TDRD3: variants seen among roughly 807,000 people sequenced by gnomAD.
TDRD3 encodes the protein tudor domain-containing protein 3.
Under a neutral mutation model 86.7 loss-of-function variants are expected in TDRD3, and 45 were observed. The ratio of observed to expected loss-of-function variants is 0.52; its 90% CI spans 0.41 to 0.67. The LOEUF (loss-of-function observed/expected upper bound fraction) is 0.67. Among genes scored for constraint, TDRD3 ranks in the 30% least tolerant of loss-of-function variants. TDRD3 has a pLI of 0.00. For missense variants in TDRD3, 814 were observed against 889.0 expected (o/e 0.92, Z 1.07); for synonymous variants, 298 against 301.7 (o/e 0.99, Z 0.13).
At chr13:60,550,782 T>G (rs1257302176) in intron 12 of TDRD3, among the ~76,000 whole-genome samples, 2 of 152,156 alleles carry the variant, frequency 1.3e-5, no homozygotes, top group Non-Finnish European at 2.9e-5. Flanking sequence ...GAAAAACTGT[T>G]TATGTTGTTA....
upstream of TDRD3, among the ~76,000 whole-genome samples, chr13:60,396,198 G>C (rs1008524624): frequency 6.6e-6 from 1 of 152,204 alleles, no homozygotes; most frequent in African/African-American, 2.4e-5. Context: ...CGGAGATAGG[G>C]ATTAAGTTCC....
chr13:60,510,630 G>T lies in TDRD3; in HGVS notation c.1016G>T (p.Gly339Val). ...ATATTTCTTGCTTTTGCATCTAAAG[G>T]TAGAGGAAAAGGCAGGGGGCGAATA... ...QKPVMGPPLR[G>V]RGKGRGRIRS... Residue 339 changes from glycine (G) to valine (V), a missense_variant and splice_region_variant, in exon 10 of 14, where the codon GGT becomes GTT. Gly to Val is a moderately radical substitution (Grantham distance 109). Coordinates refer to ENST00000377881, the MANE Select transcript of TDRD3 (RefSeq NM_001146070.2). 6.3e-7 allele frequency: 1 copy of T among 1,594,354 alleles called. No individual in the cohort carries two copies. The highest frequency in any genetic ancestry group is 8.5e-7 in the Non-Finnish European group (1 of 1,171,466).
At chr13:60,426,895 G>T (rs1388674621) in intron 1 of TDRD3, among the ~76,000 whole-genome samples, 2 of 152,152 alleles carry the variant, frequency 1.3e-5, no homozygotes, top group Non-Finnish European at 2.9e-5. Context: ...CCGACTACGC[G>T]CATAGGCTAT....
At chr13:60,516,899 A>G (rs1015315961) in intron 10 of TDRD3, among the ~76,000 whole-genome samples, 7 of 152,168 alleles carry the variant, frequency 4.6e-5, no homozygotes, top group Admixed American at 3.3e-4. Flanking sequence ...CAAACCACAA[A>G]TTTGATCACA....
At chr13:60,515,618 CGTT>C (rs1566263124) in intron 10 of TDRD3, among the ~76,000 whole-genome samples, 2 of 152,144 alleles carry the variant, frequency 1.3e-5, no homozygotes, top group African/African-American at 4.8e-5. Flanking sequence ...TAGCAGGTAT[CGTT>C]GTGTTACTTT....
intron 12 of TDRD3, among the ~76,000 whole-genome samples, 191 bp from the exon 13 acceptor site, chr13:60,567,334 T>C (rs145354735): frequency 0.013 from 1,910 of 144,206 alleles, 42 homozygotes; most frequent in African/African-American, 0.046. Context: ...GTTTTAACAG[T>C]ATCCCTGCCT....
rs374368679 is a variant in TDRD3 at position 60,459,528 on chromosome 13, ACTT to A, written c.193-847_193-845del. ...TGAAAATATGTCAATTACAACTCAT[ACTT>A]CTTCAACTTTTTAGTTTTGGTGGTA... On this transcript the variant is annotated intron_variant, in intron 3 of 13. Transcript: ENST00000377881. Among the ~76,000 whole-genome samples the A allele has an allele frequency of 5.3e-5, 8 of 152,346 alleles. No individual in the cohort carries two copies. In the East Asian group the frequency reaches 1.5e-3, roughly 29 times the overall value.
intron 1 of TDRD3, among the ~76,000 whole-genome samples, chr13:60,399,608 C>CT (rs1954038806): frequency 6.6e-6 from 1 of 152,192 alleles, no homozygotes. Context: ...GACTGAAGGG[C>CT]TTTCACCAAC....
chr13:60,529,497 T>C (rs932907471), intron 11 of TDRD3, among the ~76,000 whole-genome samples: 2 of 152,156 alleles, frequency 1.3e-5, no homozygotes, highest in African/African-American at 4.8e-5. Flanking sequence ...GAAGTTGAGC[T>C]TTATTTTACT....
Position 60,513,320 on chromosome 13 carries a change from T to C in TDRD3, c.1141+2565T>C, listed in dbSNP as rs140601300. 3.1e-3 allele frequency among the ~76,000 whole-genome samples: 470 copies of C among 152,336 alleles called. 2 individuals carry two copies. The highest frequency in any genetic ancestry group is 0.017 in the Middle Eastern group (5 of 294). ...ATTTTTTCCTCCTAGGCCTCCTGGC[T>C]TGTGATGGGAGGGGTTCCATGAAGA... On this transcript the variant is annotated intron_variant, in intron 10 of 13. Transcript: ENST00000377881.
intron 11 of TDRD3, among the ~76,000 whole-genome samples, chr13:60,530,618 T>A (rs1957561465): frequency 7.1e-6 from 1 of 141,388 alleles, no homozygotes; most frequent in Admixed American, 7.0e-5. Flanking sequence ...TTTTTTGTAT[T>A]TTTTTTTTTT....
intron 12 of TDRD3, among the ~76,000 whole-genome samples, chr13:60,541,904 T>A (rs1181019089): frequency 2.0e-5 from 3 of 151,488 alleles, no homozygotes; most frequent in Non-Finnish European, 4.4e-5. Context: ...ATTTTGTATT[T>A]TTAGTAGAGA....
At chr13:60,562,108 C>T (rs1004610025) in intron 12 of TDRD3, among the ~76,000 whole-genome samples, 4 of 151,670 alleles carry the variant, frequency 2.6e-5, no homozygotes, top group African/African-American at 4.8e-5. Context: ...ATCAGGAGTT[C>T]GAGACCAGCC....
At position 60,397,326 on chromosome 13, in the gene TDRD3, C is replaced by G; in HGVS notation, c.-39C>G. The G allele has an allele frequency of 3.0e-6, 4 of 1,320,498 alleles. No individual in the cohort carries two copies. The South Asian group carries it at 5.7e-5, about 19-fold the overall frequency. The allele number at this position is 1,320,498 out of a possible 1,614,324, so 81.8% of individuals were successfully genotyped here. ...AAGTAGGAGGCCTCCCCATCACCCC[C>G]ACCCCAGCCCCCCACCACCCCCGGC... On this transcript the variant is annotated 5_prime_UTR_variant, in exon 1 of 14. Coordinates refer to ENST00000377881, the MANE Select transcript of TDRD3 (RefSeq NM_001146070.2).
intron 3 of TDRD3, among the ~76,000 whole-genome samples, chr13:60,445,683 T>G (rs561802862): frequency 6.6e-6 from 1 of 152,184 alleles, no homozygotes; most frequent in Non-Finnish European, 1.5e-5. Context: ...CCAGGAGATG[T>G]AGAGTTCTAG....
At chr13:60,416,984 G>T in intron 1 of TDRD3, among the ~76,000 whole-genome samples, 1 of 145,864 alleles carries the variant, frequency 6.9e-6, no homozygotes, top group Admixed American at 6.8e-5. Flanking sequence ...CCACTTTCTT[G>T]TTCTTCTGAC....
At chr13:60,409,085 T>C (rs1954299864) in intron 1 of TDRD3, among the ~76,000 whole-genome samples, 1 of 152,234 alleles carries the variant, frequency 6.6e-6, no homozygotes, top group South Asian at 2.1e-4. Context: ...GGGCTGTGGC[T>C]TCAGAGGGTG....
intron 10 of TDRD3, among the ~76,000 whole-genome samples, chr13:60,517,298 G>A (rs1006684123): frequency 6.6e-6 from 1 of 151,868 alleles, no homozygotes; most frequent in Non-Finnish European, 1.5e-5. Flanking sequence ...GTAATATAAT[G>A]GTAATAGCTT....
At chr13:60,455,847 C>T (rs1296562402) in intron 3 of TDRD3, among the ~76,000 whole-genome samples, 1 of 152,032 alleles carries the variant, frequency 6.6e-6, no homozygotes, top group Admixed American at 6.5e-5. Flanking sequence ...GTGGGTGGAT[C>T]ACCTGAGGTC....
Sources: gnomAD v4.1 joint callset for allele counts (sites outside exome capture counted in the v4.1 genomes callset) on GRCh38, gnomAD v4.1.1 for gene constraint, MANE v1.5 for transcripts, NCBI Gene and HGNC (gene_info 2026-07-23, HGNC 2026-07-21) for gene names.